GLIS3: variants seen among roughly 807,000 people sequenced by gnomAD.
GLIS3 encodes GLIS family zinc finger 3, also known as zinc finger protein GLIS3.
A neutral mutation model predicts 78.6 loss-of-function variants in GLIS3; 53 were observed. The observed-to-expected ratio is 0.67, with a 90% CI of 0.54 to 0.85. The LOEUF (loss-of-function observed/expected upper bound fraction) is 0.85, where lower values mean the gene tolerates loss of function less well. Among genes scored for constraint, GLIS3 ranks in the 40% least tolerant of loss-of-function variants. The pLI, the probability that GLIS3 is intolerant of heterozygous loss-of-function variation, is 0.00. For missense variants in GLIS3, 1,703 were observed against 1,231.1 expected, an observed-to-expected ratio of 1.38 and a Z score of -5.74; for synonymous variants, 684 against 509.9, an observed-to-expected ratio of 1.34 and a Z score of -4.60.
intron 2 of GLIS3, among the ~76,000 whole-genome samples, chr9:4,260,494 G>T (rs922434776): frequency 1.1e-4 from 16 of 151,918 alleles, no homozygotes; most frequent in African/African-American, 3.4e-4. Flanking sequence ...TTGAACTCGG[G>T]GGGCAGAGGT....
intron 4 of GLIS3, among the ~76,000 whole-genome samples, chr9:3,950,863 C>T (rs547755934): frequency 1.4e-4 from 22 of 152,310 alleles, no homozygotes; most frequent in African/African-American, 4.8e-4. Flanking sequence ...CTCTCTTCTC[C>T]TCCCTCCCTC....
intron 2 of GLIS3, among the ~76,000 whole-genome samples, chr9:4,228,961 T>C (rs201710871): frequency 1.3e-5 from 2 of 152,230 alleles, no homozygotes; most frequent in East Asian, 3.8e-4. Flanking sequence ...TCCTACATAA[T>C]GCTTTGTTGA....
chr9:4,149,245 G>C (rs745905864), intron 2 of GLIS3, among the ~76,000 whole-genome samples: 9 of 152,156 alleles, frequency 5.9e-5, no homozygotes, highest in Non-Finnish European at 1.0e-4. Context: ...TCTATTCCCA[G>C]ATTAACTCAT....
At chr9:4,373,733 A>G in the GLIS3 span, among the ~76,000 whole-genome samples, 1 of 150,042 alleles carries the variant, frequency 6.7e-6, no homozygotes, top group African/African-American at 2.5e-5. Flanking sequence ...CAATGGCACG[A>G]TCTCGGCTCA....
chr9:4,140,103 C>T (rs763593554), intron 2 of GLIS3, among the ~76,000 whole-genome samples: 1 of 152,192 alleles, frequency 6.6e-6, no homozygotes, highest in Non-Finnish European at 1.5e-5. Context: ...CCAGGTAGAT[C>T]GCTTGAGCTC....
At position 3,932,521 on chromosome 9, in the gene GLIS3, T is replaced by C. The variant is rs587571; in HGVS notation, c.1873-51A>G. ...AGCTGTGGTTAAATCATAAAGGTAA[T>C]TGGGGAATGTTTTACTCAAAGACTA... On this transcript the variant is annotated intron_variant, in intron 5 of 10. Coordinates refer to ENST00000381971, the MANE Select transcript of GLIS3 (RefSeq NM_001042413.2). The C allele has an allele frequency of 0.99, 1,346,714 of 1,360,338 alleles. 667,392 individuals carry two copies. The highest frequency in any genetic ancestry group is 1 in the East Asian group (43,547 of 43,552). The allele number at this position is 1,360,338 out of a possible 1,614,324, so 84.3% of individuals were successfully genotyped here. A position where few individuals can be genotyped will look rare whatever the true frequency, so the allele number is the denominator to read the frequency against.
chr9:4,463,247 A>T, the GLIS3 span, among the ~76,000 whole-genome samples: 1 of 152,250 alleles, frequency 6.6e-6, no homozygotes, highest in Non-Finnish European at 1.5e-5. Context: ...TTTAAGAAGT[A>T]ACTTAACTGT....
At chr9:4,088,889 T>G (rs1261030275) in intron 4 of GLIS3, among the ~76,000 whole-genome samples, 1 of 152,240 alleles carries the variant, frequency 6.6e-6, no homozygotes, top group African/African-American at 2.4e-5. Flanking sequence ...AGGATGCCAG[T>G]CCAAAGGGCT....
chr9:4,094,786 T>C (rs1161491499), intron 4 of GLIS3, among the ~76,000 whole-genome samples: 1 of 152,238 alleles, frequency 6.6e-6, no homozygotes, highest in Admixed American at 6.5e-5. Flanking sequence ...TGGCTTATTT[T>C]AATGTAGCCA....
At chr9:3,990,742 T>C (rs1159447003) in intron 4 of GLIS3, among the ~76,000 whole-genome samples, 1 of 152,174 alleles carries the variant, frequency 6.6e-6, no homozygotes, top group African/African-American at 2.4e-5. Context: ...AGTCATAACA[T>C]TGGAATTAGT....
chr9:3,927,379 G>A (rs1825326699), intron 6 of GLIS3, among the ~76,000 whole-genome samples: 2 of 152,098 alleles, frequency 1.3e-5, no homozygotes, highest in African/African-American at 2.4e-5. Context: ...CTGGAATACT[G>A]GTATATCCAA....
At chr9:4,177,030 G>T (rs1410951572) in intron 2 of GLIS3, among the ~76,000 whole-genome samples, 1 of 152,172 alleles carries the variant, frequency 6.6e-6, no homozygotes, top group African/African-American at 2.4e-5. Flanking sequence ...GACAATATGG[G>T]TATCCCCCGA....
At chr9:4,374,740 T>TA in the GLIS3 span, among the ~76,000 whole-genome samples, 1 of 152,112 alleles carries the variant, frequency 6.6e-6, no homozygotes, top group Non-Finnish European at 1.5e-5. Context: ...AGGCTTATAA[T>TA]AAAAAATGTA....
chr9:3,986,563 G>A (rs75973132), intron 4 of GLIS3, among the ~76,000 whole-genome samples: 3 of 152,336 alleles, frequency 2.0e-5, no homozygotes, highest in East Asian at 3.9e-4. Context: ...ATTCTCCAGA[G>A]GCACAGGACT....
chr9:4,069,621 T>G (rs899216683), intron 4 of GLIS3, among the ~76,000 whole-genome samples: 1 of 152,138 alleles, frequency 6.6e-6, no homozygotes, highest in African/African-American at 2.4e-5. Context: ...TTTTTTCAAC[T>G]GCATGCCTAC....
intron 2 of GLIS3, among the ~76,000 whole-genome samples, chr9:4,246,810 T>A (rs1823847679): frequency 6.6e-6 from 1 of 152,234 alleles, no homozygotes; most frequent in Non-Finnish European, 1.5e-5. Context: ...TTTGGACCCC[T>A]GACATAAAAC....
chr9:4,159,996 C>G (rs1160401904), intron 2 of GLIS3, among the ~76,000 whole-genome samples: 1 of 152,184 alleles, frequency 6.6e-6, no homozygotes, highest in African/African-American at 2.4e-5. Context: ...TCATTGTGAT[C>G]ATCATCACCA....
intron 2 of GLIS3, chr9:4,147,191 AT>A (rs1349877823): frequency 1.3e-5 from 2 of 152,226 alleles, no homozygotes; most frequent in African/African-American, 4.8e-5. Context: ...CTTACAGCAA[AT>A]ACAAATTCTA....
chr9:4,197,112 T>G (rs1291940321), intron 2 of GLIS3, among the ~76,000 whole-genome samples: 1 of 151,910 alleles, frequency 6.6e-6, no homozygotes, highest in African/African-American at 2.4e-5. Flanking sequence ...CTGAACATCT[T>G]ACCCTTCCTG....
Sources: gnomAD v4.1 joint callset for allele counts (sites outside exome capture counted in the v4.1 genomes callset) on GRCh38, gnomAD v4.1.1 for gene constraint, MANE v1.5 for transcripts, NCBI Gene and HGNC (gene_info 2026-07-23, HGNC 2026-07-21) for gene names.